Variants in PDE6B observed in about 807,000 individuals in gnomAD.
The protein encoded by PDE6B is rod cGMP-specific 3',5'-cyclic phosphodiesterase subunit beta.
PDE6B carries 106 observed loss-of-function variants against 109.0 expected under a neutral mutation model. That is an observed-to-expected ratio of 0.97 (90% CI 0.83 to 1.14). The LOEUF (loss-of-function observed/expected upper bound fraction) is 1.14, where lower values mean the gene tolerates loss of function less well. Among genes scored for constraint, PDE6B ranks in the 50% most tolerant of loss-of-function variants. PDE6B has a pLI of 0.00. For synonymous variants in PDE6B, 490 were observed against 471.3 expected, an observed-to-expected ratio of 1.04 and a Z score of -0.51; for missense variants, 1,193 against 1,155.6, an observed-to-expected ratio of 1.03 and a Z score of -0.47.
chr4:627,151 T>G (rs1012130101), intron 1 of PDE6B, among the ~76,000 whole-genome samples: 17 of 121,870 alleles, frequency 1.4e-4, no homozygotes, highest in African/African-American at 2.6e-4. Context: ...CGTTTGTGGG[T>G]TTTTTTTTTT....
rs1734485304 is a variant in PDE6B, at chr4:633,376, G to A, written c.469-1301G>A. Reference sequence around the variant, plus strand: ...ATGCCAGCCCACATGGCTATGGGCAGCAGCTGTATCTCCAAGAATCAGGAA... The same window carrying A: ...ATGCCAGCCCACATGGCTATGGGCAACAGCTGTATCTCCAAGAATCAGGAA... On this transcript the variant is annotated intron_variant, in intron 1 of 21. Coordinates refer to ENST00000496514, the MANE Select transcript of PDE6B (RefSeq NM_000283.4). The surrounding 1 kb of genome is among the most constrained non-coding windows in gnomAD (Gnocchi z 4.5). 6.6e-6 allele frequency among the ~76,000 whole-genome samples: 1 copy of A among 152,210 alleles called. No individual in the cohort carries two copies. The highest frequency in any genetic ancestry group is 2.4e-5 in the African/African-American group (1 of 41,446).
chr4:637,139 C>T (rs1352323585), intron 3 of PDE6B, among the ~76,000 whole-genome samples: 3 of 151,822 alleles, frequency 2.0e-5, no homozygotes, highest in African/African-American at 7.3e-5. Flanking sequence ...TCACGTGAGT[C>T]CAGCTTTGGC....
At chr4:628,732 G>A (rs1162302307) in intron 1 of PDE6B, among the ~76,000 whole-genome samples, 1 of 152,202 alleles carries the variant, frequency 6.6e-6, no homozygotes, top group Non-Finnish European at 1.5e-5. Flanking sequence ...TGGAGGGAGG[G>A]GCTGCCCAGG....
intron 21 of PDE6B, 44 bp downstream of exon 21, chr4:668,050 C>G (rs750268394): frequency 6.3e-7 from 1 of 1,578,784 alleles, no homozygotes; most frequent in South Asian, 1.1e-5. Context: ...CGGTGACTCT[C>G]CCAAGGCAAA....
chr4:663,901 G>A lies in PDE6B; in HGVS notation c.2021+31G>A, dbSNP rs1397977987. ...CGCCTTCCGGGAGGGGGCGCCTCGC[G>A]GGGCGGGCGGGTAGCCTGGGACCCC... On this transcript the variant is annotated intron_variant, in intron 16 of 21. Coordinates refer to ENST00000496514, the MANE Select transcript of PDE6B (RefSeq NM_000283.4). The surrounding 1 kb of genome is among the most constrained non-coding windows in gnomAD (Gnocchi z 4.0). The A allele has an allele frequency of 2.0e-6, 3 of 1,522,638 alleles. No homozygotes were observed. 94.3% of individuals were successfully genotyped at this position (1,522,638 alleles called of 1,614,324 possible). A position where few individuals can be genotyped will look rare whatever the true frequency, so the allele number is the denominator to read the frequency against.
chr4:650,181 G>A (rs187883705), intron 3 of PDE6B, among the ~76,000 whole-genome samples: 2 of 152,342 alleles, frequency 1.3e-5, no homozygotes, highest in African/African-American at 4.8e-5. Context: ...GACAAGTCTG[G>A]AAAACTCCAG....
At chr4:655,700 G>A in intron 6 of PDE6B, 1 of 610,400 alleles carries the variant, frequency 1.6e-6, no homozygotes, top group Admixed American at 2.5e-5. Context: ...GAGACCCCCA[G>A]ACCCCTGCAC....
rs150639487 is a variant in PDE6B at position 664,903 on chromosome 4, G to C, written c.2152G>C (p.Asp718His). 2 of 1,613,206 alleles carry C rather than the reference G, an allele frequency of 1.2e-6. No individual in the cohort carries two copies. Among genetic ancestry groups the C allele is most frequent in the African/African-American group, 1.3e-5 (1 of 74,930 alleles). Reference sequence around the variant, plus strand: ...CAGGGCCATGATGATGACAGCCTGCGACCTGTCTGCCATCACCAAGCCCTG... The same window carrying C: ...CAGGGCCATGATGATGACAGCCTGCCACCTGTCTGCCATCACCAAGCCCTG... ...IVMAMMMTAC[D>H]LSAITKPWEV... Residue 718 changes from aspartate (D) to histidine (H), a missense_variant, in exon 18 of 22, where the codon GAC (aspartate) becomes CAC (histidine). Transcript: ENST00000496514.
chr4:664,026 C>G (rs2109264321), intron 16 of PDE6B, 88 bp from the exon 17 acceptor site: 1 of 1,168,852 alleles, frequency 8.6e-7, no homozygotes, highest in East Asian at 2.3e-5. Flanking sequence ...GGGCCTCGCT[C>G]GGGCTCCGCG....
At chr4:647,139 T>C (rs991612784) in intron 3 of PDE6B, among the ~76,000 whole-genome samples, 1 of 152,108 alleles carries the variant, frequency 6.6e-6, no homozygotes, top group African/African-American at 2.4e-5. Context: ...ATTACAGGCA[T>C]GCGCCACCTC....
intron 3 of PDE6B, among the ~76,000 whole-genome samples, chr4:639,898 G>A (rs918424788): frequency 1.3e-5 from 2 of 152,126 alleles, no homozygotes; most frequent in Non-Finnish European, 2.9e-5. Flanking sequence ...TTGAACCCAG[G>A]AGCTGGGTCT....
At chr4:650,762 C>CGGAGGTT (rs2109173808) in intron 3 of PDE6B, among the ~76,000 whole-genome samples, 1 of 151,972 alleles carries the variant, frequency 6.6e-6, no homozygotes, top group East Asian at 1.9e-4. Flanking sequence ...AGGCCAGGGT[C>CGGAGGTT]GGAGGTTGGA....
At position 669,962 on chromosome 4, in the gene PDE6B, T is replaced by G. The variant is rs1738328471; in HGVS notation, c.2504-84T>G. 4.4e-6 allele frequency: 5 copies of G among 1,124,244 alleles called. No homozygotes were observed. In the Admixed American group the frequency reaches 5.1e-5, roughly 11 times the overall value. 69.6% of individuals were successfully genotyped at this position (1,124,244 alleles called of 1,614,324 possible). The stretch of plus-strand genomic sequence containing the variant: ...CTGTCCTTCCTCCTGCAGGGGTTGG[T>G]AGAGGTCACACCAGGCAGGAGGGAA... On this transcript the variant is annotated intron_variant, in intron 21 of 21. Coordinates refer to ENST00000496514, the MANE Select transcript of PDE6B (RefSeq NM_000283.4).
At chr4:632,648 C>T (rs1240861322) in intron 1 of PDE6B, among the ~76,000 whole-genome samples, 6 of 141,834 alleles carry the variant, frequency 4.2e-5, no homozygotes, top group Non-Finnish European at 6.1e-5. Context: ...TGTGGATCTG[C>T]GTGGTGCTGT....
intron 12 of PDE6B, among the ~76,000 whole-genome samples, chr4:660,898 G>A (rs1161217931): frequency 6.6e-6 from 1 of 151,558 alleles, no homozygotes; most frequent in Admixed American, 6.6e-5. Flanking sequence ...TAGGAAGGAA[G>A]GAAGGCCAAC....
chr4:659,677 CAT>C (rs1420351153), intron 11 of PDE6B, among the ~76,000 whole-genome samples: 2 of 150,000 alleles, frequency 1.3e-5, no homozygotes, highest in African/African-American at 4.9e-5. Flanking sequence ...TATGTGTGTG[CAT>C]GTGTGTGCAC....
In PDE6B at chr4:634,763, C is replaced by G. The variant is rs757424904; in HGVS notation, c.555C>G (p.Asp185Glu). 3 of 1,613,340 alleles carry G rather than the reference C, an allele frequency of 1.9e-6. No homozygotes were observed. The highest frequency in any genetic ancestry group is 3.3e-5 in the Admixed American group (2 of 59,998). ...MLATPIMNGK[D>E]VVAVIMAVNK... is the part of the protein sequence containing the mutation. The stretch of plus-strand genomic sequence containing the variant: ...CCACACCCATCATGAATGGCAAAGA[C>G]GTCGTGGCGGTGATCATGGCAGTGA... Residue 185 changes from aspartate (D) to glutamate (E), a missense_variant, in exon 2 of 22, where the codon GAC becomes GAG. Transcript: ENST00000496514.
intron 11 of PDE6B, among the ~76,000 whole-genome samples, chr4:659,547 A>G (rs1027717169): frequency 6.8e-6 from 1 of 147,834 alleles, no homozygotes; most frequent in African/African-American, 2.6e-5. Flanking sequence ...GCGTCTGCAC[A>G]GGTGTGTACA....
rs1439000465 is a variant in PDE6B at position 666,222 on chromosome 4, C to T, written c.2269-309C>T. Among the ~76,000 whole-genome samples, 1 of 152,176 alleles carries T rather than the reference C, an allele frequency of 6.6e-6. No individual in the cohort carries two copies. Among genetic ancestry groups the T allele is most frequent in the Non-Finnish European group, 1.5e-5 (1 of 68,014 alleles). On this transcript the variant is annotated intron_variant, in intron 19 of 21. Coordinates refer to ENST00000496514, the MANE Select transcript of PDE6B (RefSeq NM_000283.4). This position sits in a 1 kb window ranked among gnomAD's most constrained non-coding sequence, Gnocchi z 5.6. ...GGCTCAGCACTGTGTACAGCCCATCCCCCTCCCCGCCTCTCCCCAGCTGCA... is the reference window on the plus strand; with the variant it reads ...GGCTCAGCACTGTGTACAGCCCATCTCCCTCCCCGCCTCTCCCCAGCTGCA...
Sources: gnomAD v4.1 joint callset for allele counts (sites outside exome capture counted in the v4.1 genomes callset) on GRCh38, gnomAD v4.1.1 for gene constraint, Gnocchi (gnomAD v3.1) non-coding constraint, MANE v1.5 for transcripts, NCBI Gene and HGNC (gene_info 2026-07-23, HGNC 2026-07-21) for gene names.